RANBP3: variants seen among roughly 807,000 people sequenced by gnomAD.
RANBP3 encodes the protein ran-binding protein 3.
Under a neutral mutation model 77.3 loss-of-function variants are expected in RANBP3, and 14 were observed. The ratio of observed to expected loss-of-function variants is 0.18; its 90% CI spans 0.12 to 0.28. The LOEUF (loss-of-function observed/expected upper bound fraction) is 0.28, where lower values mean the gene tolerates loss of function less well. Among genes scored for constraint, RANBP3 ranks in the 10% least tolerant of loss-of-function variants. RANBP3 has a pLI of 1.00. For missense variants in RANBP3, 586 were observed against 752.3 expected (o/e 0.78, Z 2.59); for synonymous variants, 315 against 312.4 (o/e 1.01, Z -0.09).
intron 1 of RANBP3, among the ~76,000 whole-genome samples, chr19:5,974,719 G>A (rs1039245598): frequency 8.6e-5 from 13 of 152,042 alleles, no homozygotes; most frequent in African/African-American, 3.1e-4. Context: ...TCAAACCAGC[G>A]GGTCTCAACC....
At chr19:5,923,078 C>T (rs978741586) in intron 13 of RANBP3, 116 bp downstream of exon 13, 10 of 805,590 alleles carry the variant, frequency 1.2e-5, no homozygotes, top group African/African-American at 1.0e-4. Context: ...GCCAGTGGCC[C>T]CTCCGTCATC....
Position 5,958,590 on chromosome 19 carries a change from C to T in RANBP3, c.23-617G>A, listed in dbSNP as rs2058363098. ...ACTTGATGGGACAAGAGCAAGGCGG[C>T]CTGTAATGCCCACGCAACACCATCT... is the stretch of plus-strand genomic sequence containing the variant. On this transcript the variant is annotated intron_variant, in intron 1 of 16. Transcript: ENST00000340578. This position sits in a 1 kb window ranked among gnomAD's most constrained non-coding sequence, Gnocchi z 4.4. Among the ~76,000 whole-genome samples the T allele has an allele frequency of 6.6e-6, 1 of 152,216 alleles. No homozygotes were observed. Among genetic ancestry groups the T allele is most frequent in the Admixed American group, 6.5e-5 (1 of 15,288 alleles).
rs777173415 is a variant in RANBP3 at position 5,917,595 on chromosome 19, C to A, written c.*15G>T. On this transcript the variant is annotated 3_prime_UTR_variant, in exon 17 of 17. Coordinates refer to ENST00000340578, the MANE Select transcript of RANBP3 (RefSeq NM_007322.3). Reference sequence around the variant, plus strand: ...GACAAAGCAGCAGCCTGGTGTGCAGCCGGGCTCCCGGCCGCTATGTGCTCC... The same window carrying A: ...GACAAAGCAGCAGCCTGGTGTGCAGACGGGCTCCCGGCCGCTATGTGCTCC... 6.9e-6 allele frequency: 11 copies of A among 1,585,514 alleles called. No individual in the cohort carries two copies. In the Admixed American group the frequency reaches 8.7e-5, roughly 13 times the overall value.
chr19:5,933,654 C>T (rs528148167), intron 5 of RANBP3, 175 bp from the exon 6 acceptor site: 31 of 542,196 alleles, frequency 5.7e-5, no homozygotes, highest in East Asian at 4.6e-4. Context: ...GCCTGGAAGG[C>T]GCCTGGAGGA....
chr19:5,940,968 G>A (rs2058128163), intron 5 of RANBP3, among the ~76,000 whole-genome samples: 1 of 152,216 alleles, frequency 6.6e-6, no homozygotes, highest in Admixed American at 6.5e-5. Flanking sequence ...GCCTGCATGA[G>A]TCCCCAGGCC....
At chr19:5,945,957 G>A (rs550718485) in intron 3 of RANBP3, among the ~76,000 whole-genome samples, 23 of 151,880 alleles carry the variant, frequency 1.5e-4, no homozygotes, top group South Asian at 1.3e-3. Context: ...CCCCGAGAAC[G>A]TACCTTTCCC....
At chr19:5,976,847 G>A (rs989487109) in intron 1 of RANBP3, among the ~76,000 whole-genome samples, 6 of 152,252 alleles carry the variant, frequency 3.9e-5, no homozygotes, top group Admixed American at 2.0e-4. Flanking sequence ...ATCAGAATCT[G>A]CAGGGACTGA....
chr19:5,957,853 G>C (rs2058353652), intron 2 of RANBP3, 65 bp downstream of exon 2: 1 of 1,561,354 alleles, frequency 6.4e-7, no homozygotes, highest in Non-Finnish European at 8.8e-7. Context: ...CTGGAAAAGA[G>C]ACTCTCAGTA....
At chr19:5,956,586 A>AT (rs2058337360) in intron 2 of RANBP3, among the ~76,000 whole-genome samples, 1 of 152,232 alleles carries the variant, frequency 6.6e-6, no homozygotes, top group Non-Finnish European at 1.5e-5. Flanking sequence ...AGCTTAGTAG[A>AT]TAAGTCCAGG....
chr19:5,935,228 A>C (rs1231025356), intron 5 of RANBP3, among the ~76,000 whole-genome samples: 2 of 152,232 alleles, frequency 1.3e-5, no homozygotes, highest in Admixed American at 1.3e-4. Flanking sequence ...CCTGGGCAGC[A>C]AGAGGATTGC....
chr19:5,935,700 G>C (rs2058055185), intron 5 of RANBP3: 2 of 456,664 alleles, frequency 4.4e-6, no homozygotes, highest in Non-Finnish European at 8.8e-6. Context: ...ACTAGTGCTA[G>C]GCCCAGAGCG....
intron 1 of RANBP3, among the ~76,000 whole-genome samples, chr19:5,961,197 A>T (rs1283390025): frequency 6.7e-6 from 1 of 149,096 alleles, no homozygotes; most frequent in Non-Finnish European, 1.5e-5. Flanking sequence ...TAATCCCAGC[A>T]CTTTGGGAGG....
Position 5,959,395 on chromosome 19 carries a change from T to C in RANBP3, c.23-1422A>G, listed in dbSNP as rs1863858492. 6.6e-6 allele frequency among the ~76,000 whole-genome samples: 1 copy of C among 152,044 alleles called. No homozygotes were observed. Among genetic ancestry groups the C allele is most frequent in the Non-Finnish European group, 1.5e-5 (1 of 67,986 alleles). On this transcript the variant is annotated intron_variant, in intron 1 of 16. Coordinates refer to ENST00000340578, the MANE Select transcript of RANBP3 (RefSeq NM_007322.3). This position sits in a 1 kb window ranked among gnomAD's most constrained non-coding sequence, Gnocchi z 5.1. ...TGCAGACGCAGGACAGACTCTGGTCTTGACCTTGGGGCATCAGTCCACAGC... is the reference window on the plus strand; with the variant it reads ...TGCAGACGCAGGACAGACTCTGGTCCTGACCTTGGGGCATCAGTCCACAGC...
At position 5,948,482 on chromosome 19, in the gene RANBP3, T is replaced by C. The variant is rs185330288; in HGVS notation, c.282+2911A>G. ...AAAAAAAAAAAAGATAAATTCCCCC[T>C]AGAAAACTGGCAACCAAGCGGTGTA... is the stretch of plus-strand genomic sequence containing the variant. On this transcript the variant is annotated intron_variant, in intron 3 of 16. Transcript: ENST00000340578. 1.5e-3 allele frequency among the ~76,000 whole-genome samples: 223 copies of C among 151,250 alleles called. 1 individual carries two copies. Among genetic ancestry groups the C allele is most frequent in the African/African-American group, 5.2e-3 (216 of 41,248 alleles).
At chr19:5,974,002 CT>C (rs2058559330) in intron 1 of RANBP3, among the ~76,000 whole-genome samples, 2 of 152,180 alleles carry the variant, frequency 1.3e-5, no homozygotes, top group African/African-American at 4.8e-5. Context: ...CAGTGAGTCT[CT>C]CACCTGGGGG....
rs756642011 is a variant in RANBP3, at chr19:5,941,664, T to C, written c.363A>G (p.Arg121=). ...ACTGGGTTAAAGAGGATGTTCTTTC[T>C]CGCTTGACAGGAGGGCAGTAATTTC... The part of the protein sequence containing the change: ...EDGNYCPPVK[R]ERTSSLTQFP... Residue 121 remains arginine (R), a synonymous_variant, in exon 5 of 17, where the codon CGA becomes CGG. Transcript: ENST00000340578. 1 of 1,613,910 alleles carries C rather than the reference T, an allele frequency of 6.2e-7. No individual in the cohort carries two copies. The highest frequency in any genetic ancestry group is 8.5e-7 in the Non-Finnish European group (1 of 1,179,938).
chr19:5,928,673 G>A (rs1040312756), intron 8 of RANBP3, among the ~76,000 whole-genome samples: 1 of 152,044 alleles, frequency 6.6e-6, no homozygotes, highest in Admixed American at 6.6e-5. Flanking sequence ...AACTACTGAC[G>A]GAGGTTACCC....
At chr19:5,929,699 G>A (rs190682174) in intron 8 of RANBP3, among the ~76,000 whole-genome samples, 8 of 152,292 alleles carry the variant, frequency 5.3e-5, no homozygotes, top group East Asian at 1.9e-4. Flanking sequence ...CATAGCTCAC[G>A]TTCCCGATGA....
chr19:5,920,033 T>G (rs975719723), intron 14 of RANBP3, among the ~76,000 whole-genome samples: 2 of 152,212 alleles, frequency 1.3e-5, no homozygotes, highest in Non-Finnish European at 2.9e-5. Flanking sequence ...AGGGGGCTGC[T>G]TGAGTTACTG....
Sources: gnomAD v4.1 joint callset for allele counts (sites outside exome capture counted in the v4.1 genomes callset) on GRCh38, gnomAD v4.1.1 for gene constraint, Gnocchi (gnomAD v3.1) non-coding constraint, MANE v1.5 for transcripts, NCBI Gene and HGNC (gene_info 2026-07-23, HGNC 2026-07-21) for gene names.